Variants in CRY1 observed in about 807,000 individuals in gnomAD.
CRY1 encodes the protein cryptochrome-1.
CRY1 carries 45 observed loss-of-function variants against 76.0 expected under a neutral mutation model. The ratio of observed to expected loss-of-function variants is 0.59; its 90% CI spans 0.47 to 0.76. The LOEUF is 0.76. Ranked by LOEUF, CRY1 falls within the 30% of genes least tolerant of loss-of-function variation. The pLI, the probability that CRY1 is intolerant of heterozygous loss-of-function variation, is 0.00. For synonymous variants in CRY1, 248 were observed against 244.0 expected (o/e 1.02, Z -0.15); for missense variants, 587 against 716.4 (o/e 0.82, Z 2.06).
At chr12:106,993,557 G>C (rs2136815437) in intron 10 of CRY1, among the ~76,000 whole-genome samples, 1 of 152,082 alleles carries the variant, frequency 6.6e-6, no homozygotes, top group South Asian at 2.1e-4. Flanking sequence ...TAGGAGAATA[G>C]GTTGGCTAGA....
rs1456935549 is a variant in CRY1 at position 107,043,104 on chromosome 12, ATC to A, written c.159-20914_159-20913del. 10 of 152,012 alleles carry A rather than the reference ATC, an allele frequency of 6.6e-5. No individual in the cohort carries two copies. In the East Asian group the frequency reaches 1.7e-3, roughly 26 times the overall value. 9.4% of individuals were successfully genotyped at this position (152,012 alleles called of 1,614,324 possible). The stretch of plus-strand genomic sequence containing the variant: ...CGGTGAGTAGCCGTGACTCTCCTTC[ATC>A]TCTGAGACTAAGATGCAACTGAACC... On this transcript the variant is annotated intron_variant, in intron 1 of 12. Coordinates refer to ENST00000008527, the MANE Select transcript of CRY1 (RefSeq NM_004075.5).
In CRY1 at chr12:106,999,739, G is replaced by A. The variant is rs1952280234; in HGVS notation, c.949C>T (p.Gln317Ter). Residue 317 changes from glutamine (Q) to a stop codon, truncating the protein, a stop_gained, in exon 7 of 13, where the codon CAG becomes TAG. Transcript: ENST00000008527. LOFTEE classifies it high-confidence loss of function. ...TCAGGATTTTTATCCCAAGGAATCT[G>A]AACACAGATAGGGTTTCCTTCCATT... ...DKMEGNPICV[Q>*]IPWDKNPEAL... 2.5e-6 allele frequency: 4 copies of A among 1,614,206 alleles called. No individual in the cohort carries two copies. Among genetic ancestry groups the A allele is most frequent in the Non-Finnish European group, 3.4e-6 (4 of 1,180,042 alleles).
intron 2 of CRY1, among the ~76,000 whole-genome samples, chr12:107,020,536 T>G (rs1216190971): frequency 2.1e-5 from 3 of 145,752 alleles, no homozygotes; most frequent in Non-Finnish European, 3.0e-5. Context: ...TTTTTTTTTT[T>G]GTTTTTTGTT....
At chr12:107,018,091 T>C (rs1952516476) in intron 2 of CRY1, among the ~76,000 whole-genome samples, 1 of 152,244 alleles carries the variant, frequency 6.6e-6, no homozygotes, top group African/African-American at 2.4e-5. Flanking sequence ...AATCAGTATC[T>C]GTTGAATACA....
At chr12:107,084,831 TTAAAC>T (rs1372831840) in intron 1 of CRY1, among the ~76,000 whole-genome samples, 1 of 152,148 alleles carries the variant, frequency 6.6e-6, no homozygotes, top group Non-Finnish European at 1.5e-5. Context: ...TGGGATCTAA[TTAAAC>T]TAAAGAGTTT....
chr12:107,008,639 T>C (rs1481963628), intron 2 of CRY1, among the ~76,000 whole-genome samples: 1 of 152,228 alleles, frequency 6.6e-6, no homozygotes. Flanking sequence ...TATGTTTTTT[T>C]GTAGACTTCC....
intron 1 of CRY1, among the ~76,000 whole-genome samples, chr12:107,033,550 T>A (rs1338964845): frequency 3.3e-5 from 5 of 152,150 alleles, no homozygotes; most frequent in African/African-American, 7.2e-5. Flanking sequence ...ATGATCAAGT[T>A]GGGCTTATCC....
At chr12:107,042,135 T>C (rs1952805721) in intron 1 of CRY1, among the ~76,000 whole-genome samples, 1 of 152,140 alleles carries the variant, frequency 6.6e-6, no homozygotes, top group Non-Finnish European at 1.5e-5. Flanking sequence ...AATGAATGAC[T>C]GAATAATTAA....
intron 1 of CRY1, among the ~76,000 whole-genome samples, chr12:107,062,839 A>G (rs1953063465): frequency 6.6e-6 from 1 of 152,224 alleles, no homozygotes; most frequent in South Asian, 2.1e-4. Flanking sequence ...AGTCCAGTCA[A>G]TAGCTTCATA....
intron 1 of CRY1, among the ~76,000 whole-genome samples, chr12:107,053,377 C>T (rs575902983): frequency 3.2e-4 from 48 of 152,076 alleles, no homozygotes; most frequent in Non-Finnish European, 4.9e-4. Flanking sequence ...AGTGCAATGG[C>T]GCAATCTCAG....
chr12:107,024,717 G>A (rs1301331197), intron 1 of CRY1, among the ~76,000 whole-genome samples: 1 of 152,154 alleles, frequency 6.6e-6, no homozygotes, highest in Non-Finnish European at 1.5e-5. Context: ...TGCACAGAAT[G>A]ATATGGACTA....
intron 1 of CRY1, among the ~76,000 whole-genome samples, chr12:107,068,174 G>A (rs563884401): frequency 1.3e-5 from 2 of 152,066 alleles, no homozygotes. Flanking sequence ...AGATCATATG[G>A]CCTGAAAAAC....
intron 1 of CRY1, among the ~76,000 whole-genome samples, chr12:107,062,033 A>AAAAAAAAAAAAAAAAAAAAG (rs1953054115): frequency 6.6e-6 from 1 of 150,664 alleles, no homozygotes; most frequent in South Asian, 2.1e-4. Flanking sequence ...CTCAAAAAAA[A>AAAAAAAAAAAAAAAAAAAAG]AAAAAAAAAA....
chr12:107,004,215 C>T (rs1304830594), intron 3 of CRY1, among the ~76,000 whole-genome samples: 2 of 151,952 alleles, frequency 1.3e-5, no homozygotes, highest in Non-Finnish European at 2.9e-5. Context: ...TTGGTGAGCT[C>T]GAAGGCAAGA....
intron 2 of CRY1, among the ~76,000 whole-genome samples, chr12:107,021,094 AC>A (rs1269471696): frequency 3.3e-5 from 5 of 152,134 alleles, no homozygotes; most frequent in Non-Finnish European, 5.9e-5. Context: ...GACCAGCCTG[AC>A]CAACATGGTG....
At chr12:107,088,310 G>A (rs1301101347) in intron 1 of CRY1, among the ~76,000 whole-genome samples, 1 of 152,140 alleles carries the variant, frequency 6.6e-6, no homozygotes, top group Non-Finnish European at 1.5e-5. Flanking sequence ...CTCGCCATGT[G>A]ATATGTCAGC....
intron 1 of CRY1, among the ~76,000 whole-genome samples, chr12:107,072,088 G>C (rs761490271): frequency 7.2e-5 from 11 of 152,342 alleles, no homozygotes; most frequent in Non-Finnish European, 1.5e-4. Context: ...ATTCTGGAAT[G>C]TTAGAACCCA....
intron 4 of CRY1, 84 bp downstream of exon 4, chr12:107,001,680 A>G: frequency 1.6e-6 from 2 of 1,256,776 alleles, no homozygotes; most frequent in Non-Finnish European, 2.2e-6. Flanking sequence ...AATACTTTAC[A>G]TGGCAAAATT....
intron 1 of CRY1, among the ~76,000 whole-genome samples, chr12:107,077,715 A>G (rs747926510): frequency 1.6e-4 from 24 of 152,160 alleles, no homozygotes; most frequent in Non-Finnish European, 1.2e-4. Flanking sequence ...TAGTTATCTA[A>G]CCAAAATTCA....
Sources: allele counts gnomAD v4.1 joint callset (sites outside exome capture counted in the v4.1 genomes callset), GRCh38; gene constraint gnomAD v4.1.1; transcripts MANE v1.5; gene names NCBI Gene and HGNC (gene_info 2026-07-23, HGNC 2026-07-21).